The following WDFY3 variants were observed in gnomAD, a reference collection of about 807,000 sequenced individuals.
The protein encoded by WDFY3 is WD repeat and FYVE domain containing 3.
In WDFY3, 66 loss-of-function variants were observed where a neutral mutation model predicts 409.6. The ratio of observed to expected loss-of-function variants is 0.16; its 90% CI spans 0.13 to 0.20. The LOEUF (loss-of-function observed/expected upper bound fraction) is 0.20, where lower values mean the gene tolerates loss of function less well. WDFY3 is among the 10% of genes least tolerant of loss of function. The pLI is 1.00. For missense variants in WDFY3, 3,031 were observed against 4,298.1 expected (o/e 0.71, Z 8.24); for synonymous variants, 1,521 against 1,537.1 (o/e 0.99, Z 0.25).
chr4:84,843,545 C>A (rs1757672656), intron 5 of WDFY3, among the ~76,000 whole-genome samples: 1 of 152,082 alleles, frequency 6.6e-6, no homozygotes, highest in Non-Finnish European at 1.5e-5. Context: ...ACAGTATGCA[C>A]CACCATGCCT....
At chr4:84,931,312 C>G (rs145415313) in intron 2 of WDFY3, among the ~76,000 whole-genome samples, 299 of 152,286 alleles carry the variant, frequency 2.0e-3, no homozygotes, top group African/African-American at 6.6e-3. Flanking sequence ...TTACCATGCC[C>G]TAAGCCACAA....
intron 27 of WDFY3, among the ~76,000 whole-genome samples, chr4:84,776,214 T>C (rs1331142520): frequency 6.6e-6 from 1 of 152,062 alleles, no homozygotes; most frequent in Non-Finnish European, 1.5e-5. Context: ...TAAGGTATAA[T>C]ATTCTTCAAA....
At chr4:84,964,331 T>G (rs992399208) in intron 1 of WDFY3, among the ~76,000 whole-genome samples, 2 of 152,132 alleles carry the variant, frequency 1.3e-5, no homozygotes, top group Admixed American at 1.3e-4. Context: ...TAGACAGGCA[T>G]GGTGGCATGC....
intron 43 of WDFY3, among the ~76,000 whole-genome samples, chr4:84,734,143 C>T (rs1049819735): frequency 3.3e-5 from 5 of 152,056 alleles, no homozygotes; most frequent in Non-Finnish European, 7.4e-5. Flanking sequence ...GATGTTCATA[C>T]AAAAATCAAA....
At chr4:84,780,368 T>C in intron 25 of WDFY3, 70 bp from the exon 26 acceptor site, 6 of 1,414,140 alleles carry the variant, frequency 4.2e-6, no homozygotes, top group Non-Finnish European at 5.6e-6. Flanking sequence ...TACATCATCT[T>C]GAAAAGTTTT....
At chr4:84,850,928 G>GGTTTTTTTTT (rs1758863108) in intron 4 of WDFY3, among the ~76,000 whole-genome samples, 1 of 46,220 alleles carries the variant, frequency 2.2e-5, no homozygotes, top group Non-Finnish European at 3.9e-5. Context: ...TTATTTATCT[G>GGTTTTTTTTT]TTTTTTTTTT....
chr4:84,821,636 T>A (rs1754078427), intron 10 of WDFY3, 85 bp from the exon 11 acceptor site: 2 of 1,099,484 alleles, frequency 1.8e-6, no homozygotes, highest in Non-Finnish European at 1.3e-6. Context: ...ACATCATGAA[T>A]TATAACATTT....
At chr4:84,885,904 A>C (rs896730184) in intron 3 of WDFY3, among the ~76,000 whole-genome samples, 2 of 152,182 alleles carry the variant, frequency 1.3e-5, no homozygotes, top group African/African-American at 4.8e-5. Flanking sequence ...CATTGGAAGC[A>C]ATTTTTTGGA....
In WDFY3 at chr4:84,840,150, C is replaced by T. The variant is rs577192431; in HGVS notation, c.414+1004G>A. On this transcript the variant is annotated intron_variant, in intron 6 of 67. Coordinates refer to ENST00000295888, the MANE Select transcript of WDFY3 (RefSeq NM_014991.6). ...GTACTGACTTTGGTAGGTAATTATA[C>T]TCTGGATTTTAGAAGGCTGAATTAA... Among the ~76,000 whole-genome samples the T allele has an allele frequency of 2.3e-4, 35 of 152,240 alleles. 1 individual carries two copies. The South Asian group carries it at 6.4e-3, about 28-fold the overall frequency.
At chr4:84,914,500 A>C (rs956336768) in intron 2 of WDFY3, among the ~76,000 whole-genome samples, 58 of 152,296 alleles carry the variant, frequency 3.8e-4, no homozygotes, top group African/African-American at 1.3e-3. Flanking sequence ...GTTATACATA[A>C]ATTTTCGACT....
intron 51 of WDFY3, among the ~76,000 whole-genome samples, chr4:84,710,658 G>C (rs1020739800): frequency 6.6e-6 from 1 of 152,186 alleles, no homozygotes; most frequent in African/African-American, 2.4e-5. Context: ...TCGTAAGAAA[G>C]AGGATAACTG....
At chr4:84,856,321 T>C (rs1759758110) in intron 4 of WDFY3, among the ~76,000 whole-genome samples, 1 of 152,216 alleles carries the variant, frequency 6.6e-6, no homozygotes, top group African/African-American at 2.4e-5. Context: ...AAACATTACA[T>C]TTTAAAATAC....
chr4:84,762,339 C>T (rs1463251995), intron 32 of WDFY3, among the ~76,000 whole-genome samples: 1 of 151,690 alleles, frequency 6.6e-6, no homozygotes, highest in African/African-American at 2.4e-5. Flanking sequence ...TGGAAATCAT[C>T]ATTCTCAGTA....
intron 3 of WDFY3, among the ~76,000 whole-genome samples, chr4:84,893,053 C>A (rs1211445309): frequency 1.3e-5 from 2 of 152,142 alleles, no homozygotes; most frequent in African/African-American, 4.8e-5. Context: ...TGTAATGAAA[C>A]CAGTAGAGTT....
At chr4:84,756,805 C>A (rs1223238038) in intron 33 of WDFY3, 121 bp downstream of exon 33, 3 of 1,183,614 alleles carry the variant, frequency 2.5e-6, no homozygotes, top group Non-Finnish European at 2.4e-6. Flanking sequence ...TGTCCCAAAT[C>A]AAACCTTAAA....
At chr4:84,683,811 C>G in intron 63 of WDFY3, 132 bp downstream of exon 63, 1 of 902,366 alleles carries the variant, frequency 1.1e-6, no homozygotes, top group Non-Finnish European at 1.6e-6. Context: ...AGGCCAAGGC[C>G]TGTCTGAGCT....
intron 55 of WDFY3, among the ~76,000 whole-genome samples, chr4:84,703,581 G>A (rs1292757427): frequency 2.0e-5 from 3 of 152,082 alleles, no homozygotes; most frequent in African/African-American, 2.4e-5. Context: ...GCTGCTCCTC[G>A]AACATGCCAG....
At position 84,778,627 on chromosome 4, in the gene WDFY3, C is replaced by T. The variant is rs781376623; in HGVS notation, c.4394G>A (p.Arg1465His). 7 of 1,609,464 alleles carry T rather than the reference C, an allele frequency of 4.3e-6. No individual in the cohort carries two copies. Among genetic ancestry groups the T allele is most frequent in the Non-Finnish European group, 5.9e-6 (7 of 1,178,830 alleles). The part of the protein sequence containing the change: ...QLLAMLLKKK[R>H]SLLNSHILHL... ...GAGGATGTGGCTGTTAAGAAGGGAACGTTTCTTCTTAAGCAACATTGCCAG... is the reference window on the plus strand; with the variant it reads ...GAGGATGTGGCTGTTAAGAAGGGAATGTTTCTTCTTAAGCAACATTGCCAG... The change falls in exon 27 of 68, where the codon CGT becomes CAT. Residue 1465 changes from arginine to histidine, a missense_variant. Coordinates refer to ENST00000295888, the MANE Select transcript of WDFY3 (RefSeq NM_014991.6).
chr4:84,902,610 T>C (rs1027536751), intron 2 of WDFY3, among the ~76,000 whole-genome samples: 2 of 152,196 alleles, frequency 1.3e-5, no homozygotes, highest in Non-Finnish European at 2.9e-5. Flanking sequence ...CAAAATAGAA[T>C]TTTCACCATG....
Sources: allele counts gnomAD v4.1 joint callset (sites outside exome capture counted in the v4.1 genomes callset), GRCh38; gene constraint gnomAD v4.1.1; transcripts MANE v1.5; gene names NCBI Gene and HGNC (gene_info 2026-07-23, HGNC 2026-07-21).